CHN2: variants seen among roughly 807,000 people sequenced by gnomAD.
CHN2 encodes the protein chimerin 2, also known as beta-chimaerin.
Under a neutral mutation model 56.3 loss-of-function variants are expected in CHN2, and 35 were observed. The observed-to-expected ratio is 0.62, with a 90% CI of 0.47 to 0.82. CHN2 has a LOEUF of 0.82. Ranked by LOEUF, CHN2 falls within the 40% of genes least tolerant of loss-of-function variation. The probability of loss-of-function intolerance (pLI) is 0.00; values close to 1 mark genes in which losing one functional copy is unlikely to be tolerated. For synonymous variants in CHN2, 210 were observed against 212.8 expected, an observed-to-expected ratio of 0.99 and a Z score of 0.12; for missense variants, 491 against 580.5, an observed-to-expected ratio of 0.85 and a Z score of 1.58.
At chr7:29,402,522 A>G (rs886777461) in intron 6 of CHN2, among the ~76,000 whole-genome samples, 1 of 152,240 alleles carries the variant, frequency 6.6e-6, no homozygotes, top group Non-Finnish European at 1.5e-5. Context: ...GTAATTTAGA[A>G]TAGAAAATAT....
At chr7:29,303,019 C>T (rs145698031) in intron 1 of CHN2, among the ~76,000 whole-genome samples, 6 of 152,268 alleles carry the variant, frequency 3.9e-5, no homozygotes, top group East Asian at 1.9e-4. Flanking sequence ...ATCCCGGTCC[C>T]GCCCATCTTC....
intron 6 of CHN2, among the ~76,000 whole-genome samples, chr7:29,459,830 A>G (rs907496685): frequency 6.6e-6 from 1 of 152,204 alleles, no homozygotes; most frequent in African/African-American, 2.4e-5. Flanking sequence ...AAGAAGCCCG[A>G]AAAGCTTGTC....
chr7:29,304,881 C>T (rs1405564651), intron 1 of CHN2, among the ~76,000 whole-genome samples: 2 of 152,216 alleles, frequency 1.3e-5, no homozygotes, highest in Admixed American at 1.3e-4. Flanking sequence ...ACCTGACTCA[C>T]TCTGAAAAAT....
intron 1 of CHN2, among the ~76,000 whole-genome samples, chr7:29,224,930 C>G (rs1391281195): frequency 2.6e-5 from 4 of 152,144 alleles, no homozygotes; most frequent in Non-Finnish European, 5.9e-5. Flanking sequence ...AAACACATAT[C>G]ATCTCCGGAG....
chr7:29,260,547 C>T (rs553031253), intron 1 of CHN2, among the ~76,000 whole-genome samples: 7 of 151,900 alleles, frequency 4.6e-5, no homozygotes, highest in Admixed American at 1.3e-4. Context: ...CATGGTGGGG[C>T]GAGGGAAAGG....
intron 3 of CHN2, among the ~76,000 whole-genome samples, chr7:29,382,247 T>A (rs1317503484): frequency 6.6e-6 from 1 of 152,180 alleles, no homozygotes; most frequent in Non-Finnish European, 1.5e-5. Context: ...AGTCTCAAAT[T>A]CCAGGGGCAG....
intron 1 of CHN2, among the ~76,000 whole-genome samples, chr7:29,245,587 C>A (rs1788012249): frequency 6.6e-6 from 1 of 152,216 alleles, no homozygotes; most frequent in South Asian, 2.1e-4. Flanking sequence ...CCTAGAACAA[C>A]TCTGCAAGGT....
intron 1 of CHN2, among the ~76,000 whole-genome samples, chr7:29,237,347 A>G (rs1207494434): frequency 3.3e-5 from 5 of 152,040 alleles, no homozygotes; most frequent in African/African-American, 1.2e-4. Flanking sequence ...CAGATTCCTG[A>G]TGTTTCAGTA....
At chr7:29,453,931 T>G (rs1376446776) in intron 6 of CHN2, among the ~76,000 whole-genome samples, 2 of 152,166 alleles carry the variant, frequency 1.3e-5, no homozygotes, top group African/African-American at 4.8e-5. Context: ...TACTCATCCT[T>G]TCATCCTGAC....
At chr7:29,270,186 A>G (rs1333859091) in intron 1 of CHN2, among the ~76,000 whole-genome samples, 1 of 152,058 alleles carries the variant, frequency 6.6e-6, no homozygotes, top group African/African-American at 2.4e-5. Flanking sequence ...CACAGGTGTT[A>G]GTTTATTTTA....
intron 1 of CHN2, among the ~76,000 whole-genome samples, chr7:29,273,360 T>C (rs1394966990): frequency 1.2e-5 from 1 of 81,094 alleles, no homozygotes; most frequent in African/African-American, 4.8e-5. Context: ...TATATATATA[T>C]ATATATATAT....
chr7:29,251,281 TG>T (rs1788495067), intron 1 of CHN2, among the ~76,000 whole-genome samples: 1 of 152,036 alleles, frequency 6.6e-6, no homozygotes, highest in South Asian at 2.1e-4. Flanking sequence ...TGCAAAATCC[TG>T]TCTCTACAAG....
At chr7:29,281,299 A>G (rs577218716) in intron 1 of CHN2, among the ~76,000 whole-genome samples, 3 of 152,248 alleles carry the variant, frequency 2.0e-5, no homozygotes, top group Admixed American at 6.5e-5. Flanking sequence ...ATGATAACCT[A>G]CTATTCACTA....
At position 29,448,637 on chromosome 7, in the gene CHN2, T is replaced by C. The variant is rs111574145; in HGVS notation, c.577-31642T>C. 3.9e-5 allele frequency among the ~76,000 whole-genome samples: 6 copies of C among 152,330 alleles called. 1 individual carries two copies. The highest frequency in any genetic ancestry group is 1.2e-4 in the African/African-American group (5 of 41,570). Reference sequence around the variant, plus strand: ...AATGAATTTTCATTTCTGTAATAGATCACCCTGTAACTCACCTCCAAGTCT... The same window carrying C: ...AATGAATTTTCATTTCTGTAATAGACCACCCTGTAACTCACCTCCAAGTCT... On this transcript the variant is annotated intron_variant, in intron 6 of 12. Transcript: ENST00000222792.
chr7:29,316,378 AT>A (rs1021118897), intron 1 of CHN2, among the ~76,000 whole-genome samples: 1 of 152,134 alleles, frequency 6.6e-6, no homozygotes, highest in African/African-American at 2.4e-5. Context: ...AGGTAAGGCA[AT>A]TTGCTTCCCT....
At chr7:29,280,943 A>G (rs1416035391) in intron 1 of CHN2, among the ~76,000 whole-genome samples, 1 of 152,182 alleles carries the variant, frequency 6.6e-6, no homozygotes, top group Non-Finnish European at 1.5e-5. Flanking sequence ...TAAAAATACA[A>G]AAATTAGCCG....
intron 11 of CHN2, among the ~76,000 whole-genome samples, chr7:29,507,666 A>T (rs926520480): frequency 1.6e-4 from 24 of 152,206 alleles, no homozygotes; most frequent in African/African-American, 5.5e-4. Flanking sequence ...TGTAGCAGAA[A>T]AAAAAGTCTT....
At chr7:29,369,343 A>G (rs575346952) in intron 3 of CHN2, among the ~76,000 whole-genome samples, 39 of 152,316 alleles carry the variant, frequency 2.6e-4, no homozygotes, top group African/African-American at 8.7e-4. Flanking sequence ...ATAAAAAGAC[A>G]CTGGGCAAGA....
At chr7:29,345,315 G>A (rs551709489) in intron 1 of CHN2, among the ~76,000 whole-genome samples, 16 of 152,310 alleles carry the variant, frequency 1.1e-4, no homozygotes, top group Middle Eastern at 3.4e-3. Context: ...AAGACAAAAC[G>A]TAAACAAAGA....
Sources: allele counts gnomAD v4.1 joint callset (sites outside exome capture counted in the v4.1 genomes callset), GRCh38; gene constraint gnomAD v4.1.1; transcripts MANE v1.5; gene names NCBI Gene and HGNC (gene_info 2026-07-23, HGNC 2026-07-21).